MGAT5: variants seen among roughly 807,000 people sequenced by gnomAD.
MGAT5 encodes the protein alpha-1,6-mannosylglycoprotein 6-beta-N-acetylglucosaminyltransferase, also known as alpha-1,6-mannosylglycoprotein 6-beta-N-acetylglucosaminyltransferase A.
In MGAT5, 30 loss-of-function variants were observed where a neutral mutation model predicts 94.3. That is an observed-to-expected ratio of 0.32 (90% CI 0.24 to 0.43). MGAT5 has a LOEUF of 0.43. Among genes scored for constraint, MGAT5 ranks in the 20% least tolerant of loss-of-function variants. The pLI is 1.00. For synonymous variants in MGAT5, 310 were observed against 322.9 expected (o/e 0.96, Z 0.43); for missense variants, 691 against 905.5 (o/e 0.76, Z 3.04).
intron 1 of MGAT5, among the ~76,000 whole-genome samples, chr2:134,175,907 A>G (rs551601107): frequency 6.6e-6 from 1 of 152,350 alleles, no homozygotes; most frequent in Non-Finnish European, 1.5e-5. Context: ...GGTAGGACCC[A>G]CAGACAGGTT....
chr2:134,293,464 T>C (rs1685493937), intron 2 of MGAT5, among the ~76,000 whole-genome samples: 1 of 151,228 alleles, frequency 6.6e-6, no homozygotes, highest in African/African-American at 2.4e-5. Flanking sequence ...TTCTTTGCTT[T>C]ATTTTTTTAT....
chr2:134,387,801 A>G (rs1196020766), intron 10 of MGAT5, among the ~76,000 whole-genome samples: 2 of 152,212 alleles, frequency 1.3e-5, no homozygotes, highest in African/African-American at 4.8e-5. Context: ...ATTTATAGCC[A>G]CAGATGGTTG....
chr2:134,121,894 C>G (rs891151622), intron 1 of MGAT5, among the ~76,000 whole-genome samples: 1 of 152,156 alleles, frequency 6.6e-6, no homozygotes, highest in African/African-American at 2.4e-5. Flanking sequence ...CTAAGCCTTA[C>G]GGCTGCATCA....
At chr2:134,221,814 G>T (rs114119050) in intron 1 of MGAT5, among the ~76,000 whole-genome samples, 1,762 of 152,284 alleles carry the variant, frequency 0.012, 33 homozygotes, top group African/African-American at 0.041. Flanking sequence ...GTAAGGTCCG[G>T]TTTGAGGAAT....
At chr2:134,180,994 T>C (rs1688708256) in intron 1 of MGAT5, among the ~76,000 whole-genome samples, 1 of 152,206 alleles carries the variant, frequency 6.6e-6, no homozygotes, top group African/African-American at 2.4e-5. Context: ...TCTCATTTCT[T>C]CTCTAGTTTC....
At chr2:134,158,237 G>C (rs1265740047) in intron 1 of MGAT5, among the ~76,000 whole-genome samples, 1 of 152,094 alleles carries the variant, frequency 6.6e-6, no homozygotes, top group African/African-American at 2.4e-5. Flanking sequence ...GCCCCTTTTT[G>C]CCTGGGAGTA....
At position 134,451,114 on chromosome 2, in the gene MGAT5, G is replaced by C. The variant is rs1244081916; in HGVS notation, c.*2267G>C. On this transcript the variant is annotated 3_prime_UTR_variant, in exon 16 of 16. Transcript: ENST00000281923. The stretch of plus-strand genomic sequence containing the variant: ...GCAAAGTTTAACCCACTTAGCCACT[G>C]CTACTTAAGCAAGGAAGCTGAAAGG... 1.3e-5 allele frequency: 2 copies of C among 152,094 alleles called. No individual in the cohort carries two copies. The highest frequency in any genetic ancestry group is 2.9e-5 in the Non-Finnish European group (2 of 68,024). The allele number at this position is 152,094 out of a possible 1,614,324, so 9.4% of individuals were successfully genotyped here. A position where few individuals can be genotyped will look rare whatever the true frequency, so the allele number is the denominator to read the frequency against.
At chr2:134,389,489 C>T (rs772428436) in intron 10 of MGAT5, among the ~76,000 whole-genome samples, 8 of 152,292 alleles carry the variant, frequency 5.3e-5, no homozygotes, top group Middle Eastern at 3.4e-3. Context: ...CGTTTAGCCT[C>T]AGCCTCTGTG....
intron 1 of MGAT5, among the ~76,000 whole-genome samples, chr2:134,173,610 G>A (rs13398410): frequency 0.073 from 11,105 of 152,182 alleles, 881 homozygotes; most frequent in African/African-American, 0.2. Context: ...ATATGTTGTC[G>A]CTTTCCCCCT....
At chr2:134,385,769 A>G (rs1271176404) in intron 10 of MGAT5, among the ~76,000 whole-genome samples, 1 of 152,230 alleles carries the variant, frequency 6.6e-6, no homozygotes, top group Non-Finnish European at 1.5e-5. Context: ...ACACTAGGGA[A>G]ACATAAAGCC....
intron 1 of MGAT5, among the ~76,000 whole-genome samples, chr2:134,257,836 C>CTT (rs10628858): frequency 5.6e-5 from 6 of 106,412 alleles, no homozygotes; most frequent in Admixed American, 2.1e-4. Context: ...TTTGCAGTCT[C>CTT]TTTTTTTTTT....
At chr2:134,295,015 A>C (rs4954127) in intron 2 of MGAT5, among the ~76,000 whole-genome samples, 146,815 of 152,300 alleles carry the variant, frequency 0.96, 70,896 homozygotes, top group East Asian at 1. Context: ...TCGGTGTACT[A>C]TCGTGGCAAA....
At chr2:134,352,793 T>C (rs529042006) in intron 9 of MGAT5, among the ~76,000 whole-genome samples, 2 of 152,260 alleles carry the variant, frequency 1.3e-5, no homozygotes, top group South Asian at 2.1e-4. Flanking sequence ...AGCCATGAGA[T>C]AGAAGCAACC....
At chr2:134,320,842 C>T (rs777351326) in intron 4 of MGAT5, among the ~76,000 whole-genome samples, 3 of 152,116 alleles carry the variant, frequency 2.0e-5, no homozygotes, top group Non-Finnish European at 4.4e-5. Context: ...GGGGTTTGCC[C>T]CTCTCTCAGA....
intron 1 of MGAT5, among the ~76,000 whole-genome samples, chr2:134,233,066 T>C (rs1681453093): frequency 6.6e-6 from 1 of 152,236 alleles, no homozygotes; most frequent in African/African-American, 2.4e-5. Flanking sequence ...GAATCCAAGA[T>C]TCAGTTAGCT....
At chr2:134,325,691 A>G (rs1441999132) in intron 4 of MGAT5, among the ~76,000 whole-genome samples, 1 of 152,158 alleles carries the variant, frequency 6.6e-6, no homozygotes, top group African/African-American at 2.4e-5. Context: ...TGTATAAATT[A>G]AAGTTTATTT....
intron 9 of MGAT5, among the ~76,000 whole-genome samples, chr2:134,350,685 T>A (rs986684543): frequency 2.0e-5 from 3 of 152,222 alleles, no homozygotes; most frequent in Non-Finnish European, 2.9e-5. Context: ...AGCTGAGGAC[T>A]GTGAACTCAA....
At chr2:134,418,090 G>A (rs1397443477) in intron 12 of MGAT5, among the ~76,000 whole-genome samples, 3 of 150,430 alleles carry the variant, frequency 2.0e-5, no homozygotes, top group Non-Finnish European at 3.0e-5. Context: ...TTTTTTTCCC[G>A]GGAAAAAAAA....
At chr2:134,285,347 C>G (rs1684941098) in intron 2 of MGAT5, among the ~76,000 whole-genome samples, 1 of 151,618 alleles carries the variant, frequency 6.6e-6, no homozygotes, top group Admixed American at 6.6e-5. Context: ...TCTCTTTATT[C>G]TTCAAAAGCT....
Sources: allele counts gnomAD v4.1 joint callset (sites outside exome capture counted in the v4.1 genomes callset), GRCh38; gene constraint gnomAD v4.1.1; transcripts MANE v1.5; gene names NCBI Gene and HGNC (gene_info 2026-07-23, HGNC 2026-07-21).